Variants in PCDH15 observed in about 807,000 individuals in gnomAD.
PCDH15 encodes the protein protocadherin-15.
A neutral mutation model predicts 178.5 loss-of-function variants in PCDH15; 129 were observed. The observed-to-expected ratio is 0.72, with a 90% confidence interval of 0.63 to 0.84. The LOEUF is 0.84. Ranked by LOEUF, PCDH15 falls within the 40% of genes least tolerant of loss-of-function variation. The pLI is 0.00. For missense variants in PCDH15, 2,230 were observed against 2,099.9 expected (o/e 1.06, Z -1.21); for synonymous variants, 800 against 732.0 (o/e 1.09, Z -1.50).
chr10:54,005,664 G>A (rs1195040457), intron 20 of PCDH15, among the ~76,000 whole-genome samples: 3 of 152,068 alleles, frequency 2.0e-5, no homozygotes, highest in African/African-American at 4.8e-5. Context: ...AATGGCAAAT[G>A]CTAATAAGGA....
chr10:54,268,488 T>C (rs1213004787), intron 8 of PCDH15, among the ~76,000 whole-genome samples: 1 of 151,786 alleles, frequency 6.6e-6, no homozygotes, highest in Non-Finnish European at 1.5e-5. Flanking sequence ...AAATATGAAA[T>C]AGCAAAGGCA....
chr10:55,104,980 T>C (rs1842642862), intron 2 of PCDH15, among the ~76,000 whole-genome samples: 1 of 152,164 alleles, frequency 6.6e-6, no homozygotes, highest in Admixed American at 6.5e-5. Flanking sequence ...CTTGAGCTCA[T>C]CCCAATAGCA....
At chr10:55,537,127 A>C (rs1199159511) in intron 2 of PCDH15, among the ~76,000 whole-genome samples, 2 of 152,170 alleles carry the variant, frequency 1.3e-5, no homozygotes, top group Non-Finnish European at 2.9e-5. Flanking sequence ...AACCGAGACT[A>C]AAAATTATTA....
Position 54,515,409 on chromosome 10 carries a change from C to T in PCDH15, c.157+12403G>A, listed in dbSNP as rs552660903. Among the ~76,000 whole-genome samples the T allele has an allele frequency of 2.3e-4, 35 of 152,260 alleles. No individual in the cohort carries two copies. In the East Asian group the frequency reaches 5.0e-3, roughly 22 times the overall value. On this transcript the variant is annotated intron_variant, in intron 3 of 37. Transcript: ENST00000644397. Reference sequence around the variant, plus strand: ...AGCAGTCTGAGATCAAACTGTAAGGCGGCAGACAGGCTGGGGGAGGGGCGC... The same window carrying T: ...AGCAGTCTGAGATCAAACTGTAAGGTGGCAGACAGGCTGGGGGAGGGGCGC...
In PCDH15 at chr10:53,840,699, C is replaced by T. The variant is rs115744123; in HGVS notation, c.3807-203G>A. ...TCCCAATGATGCTAGAAGCTGAATA[C>T]GGTAGAAAAGGTCACCAACCATGTC... On this transcript the variant is annotated intron_variant, in intron 28 of 37. Coordinates refer to ENST00000644397, the MANE Select transcript of PCDH15 (RefSeq NM_001384140.1). Among the ~76,000 whole-genome samples, 165 of 152,238 alleles carry T rather than the reference C, an allele frequency of 1.1e-3. 1 individual carries two copies. Among genetic ancestry groups the T allele is most frequent in the African/African-American group, 3.9e-3 (162 of 41,536 alleles).
At chr10:54,368,728 G>A (rs1461848759) in intron 5 of PCDH15, among the ~76,000 whole-genome samples, 2 of 151,716 alleles carry the variant, frequency 1.3e-5, no homozygotes, top group African/African-American at 2.4e-5. Flanking sequence ...TTATAGAACC[G>A]CAGACATTTT....
At chr10:54,967,189 T>C (rs1391009953) in intron 2 of PCDH15, among the ~76,000 whole-genome samples, 1 of 152,154 alleles carries the variant, frequency 6.6e-6, no homozygotes, top group African/African-American at 2.4e-5. Flanking sequence ...CACTAGGCTA[T>C]AGGAATTTTT....
chr10:54,814,784 C>T (rs1158575846), intron 3 of PCDH15, among the ~76,000 whole-genome samples: 6 of 152,110 alleles, frequency 3.9e-5, no homozygotes, highest in Non-Finnish European at 8.8e-5. Flanking sequence ...AAATAATTCC[C>T]ACATGCTTAG....
intron 13 of PCDH15, among the ~76,000 whole-genome samples, chr10:54,166,983 T>C (rs948563182): frequency 4.0e-4 from 61 of 152,224 alleles, no homozygotes; most frequent in Non-Finnish European, 6.2e-4. Flanking sequence ...CCTTTACCTA[T>C]CCAAATCCTA....
intron 1 of PCDH15, among the ~76,000 whole-genome samples, chr10:55,316,931 T>C (rs1417110019): frequency 6.6e-6 from 1 of 152,200 alleles, no homozygotes; most frequent in Non-Finnish European, 1.5e-5. Context: ...GACTCAAATT[T>C]GAAATCTGAC....
chr10:55,075,366 A>ATT (rs34779284), intron 2 of PCDH15, among the ~76,000 whole-genome samples: 6,852 of 132,256 alleles, frequency 0.052, 266 homozygotes, highest in East Asian at 0.11. Flanking sequence ...TTTTGTTTAA[A>ATT]TTTTTTTTTT....
At chr10:54,106,713 CA>C (rs1231186076) in intron 15 of PCDH15, among the ~76,000 whole-genome samples, 1 of 151,948 alleles carries the variant, frequency 6.6e-6, no homozygotes. Context: ...ATTTCACACA[CA>C]AAAAAGAGAG....
At chr10:54,082,390 T>A (rs986131811) in intron 16 of PCDH15, among the ~76,000 whole-genome samples, 3 of 152,280 alleles carry the variant, frequency 2.0e-5, no homozygotes, top group Admixed American at 1.3e-4. Flanking sequence ...AAAAGTGTAC[T>A]GGGGAATACA....
chr10:55,040,531 C>T (rs1591852492), intron 2 of PCDH15, among the ~76,000 whole-genome samples: 1 of 136,312 alleles, frequency 7.3e-6, no homozygotes, highest in Non-Finnish European at 1.6e-5. Flanking sequence ...AACAAAAACA[C>T]AGGAGGCAAG....
At chr10:55,226,145 A>T (rs1841031466) in intron 1 of PCDH15, among the ~76,000 whole-genome samples, 1 of 152,076 alleles carries the variant, frequency 6.6e-6, no homozygotes, top group South Asian at 2.1e-4. Flanking sequence ...GTTTCTAATC[A>T]GCTTTTTATT....
At chr10:54,204,184 T>C (rs1187908022) in intron 10 of PCDH15, among the ~76,000 whole-genome samples, 4 of 152,162 alleles carry the variant, frequency 2.6e-5, no homozygotes, top group Non-Finnish European at 5.9e-5. Flanking sequence ...GTCTCAGATT[T>C]TTCTTTAGCA....
intron 2 of PCDH15, among the ~76,000 whole-genome samples, chr10:55,083,417 TA>T (rs1328303579): frequency 2.0e-5 from 3 of 151,578 alleles, no homozygotes; most frequent in African/African-American, 7.3e-5. Context: ...CTCAATACAA[TA>T]AAAAACACAT....
rs117769612 is a variant in PCDH15, at chr10:54,798,822, T to C, written c.-29+2103A>G. 8.3e-3 allele frequency among the ~76,000 whole-genome samples: 1,258 copies of C among 152,166 alleles called. 9 individuals are homozygous for C. Among genetic ancestry groups the C allele is most frequent in the Non-Finnish European group, 0.012 (808 of 67,972 alleles). ...AAATGTATATGGGGGGCTTCTGTGT[T>C]AGGAAGAAGTTAATATAACAGCTCG... On this transcript the variant is annotated intron_variant, in intron 1 of 37. Coordinates refer to ENST00000644397, the MANE Select transcript of PCDH15 (RefSeq NM_001384140.1).
chr10:55,232,802 A>G (rs1009723267), intron 1 of PCDH15, among the ~76,000 whole-genome samples: 3 of 152,064 alleles, frequency 2.0e-5, no homozygotes, highest in Non-Finnish European at 4.4e-5. Context: ...TCCTCAAGGA[A>G]ACGGATCCTG....
Sources: allele counts gnomAD v4.1 joint callset (sites outside exome capture counted in the v4.1 genomes callset), GRCh38; gene constraint gnomAD v4.1.1; transcripts MANE v1.5; gene names NCBI Gene and HGNC (gene_info 2026-07-23, HGNC 2026-07-21).